Variants in CLSTN2 observed in about 807,000 individuals in gnomAD.
CLSTN2 encodes calsyntenin 2.
A neutral mutation model predicts 101.2 loss-of-function variants in CLSTN2; 48 were observed. That is an observed-to-expected ratio of 0.47 (90% confidence interval 0.38 to 0.60). CLSTN2 has a LOEUF of 0.60. Among genes scored for constraint, CLSTN2 ranks in the 20% least tolerant of loss-of-function variants. The probability of loss-of-function intolerance (pLI) is 0.00; values close to 1 mark genes in which losing one functional copy is unlikely to be tolerated. For synonymous variants in CLSTN2, 481 were observed against 463.6 expected (o/e 1.04, Z -0.48); for missense variants, 1,160 against 1,238.2 (o/e 0.94, Z 0.95).
intron 8 of CLSTN2, among the ~76,000 whole-genome samples, chr3:140,485,192 C>T (rs560170210): frequency 2.6e-5 from 4 of 152,370 alleles, no homozygotes; most frequent in African/African-American, 9.6e-5. Context: ...CCCTCAGCCA[C>T]AGGTCTGTTG....
At chr3:140,017,174 T>A (rs1376700253) in intron 1 of CLSTN2, among the ~76,000 whole-genome samples, 1 of 152,226 alleles carries the variant, frequency 6.6e-6, no homozygotes. Flanking sequence ...CCTATTAGTG[T>A]GCTCTCAGCT....
At chr3:140,054,207 G>C (rs2008055018) in intron 1 of CLSTN2, among the ~76,000 whole-genome samples, 1 of 152,130 alleles carries the variant, frequency 6.6e-6, no homozygotes, top group Non-Finnish European at 1.5e-5. Flanking sequence ...GGTCACATTT[G>C]GGGAGGGTGG....
intron 1 of CLSTN2, among the ~76,000 whole-genome samples, chr3:140,114,896 TTCTAGG>T (rs1164295403): frequency 6.6e-6 from 1 of 152,216 alleles, no homozygotes; most frequent in African/African-American, 2.4e-5. Flanking sequence ...GATGTGGCTT[TTCTAGG>T]AGCCATTGCT....
intron 1 of CLSTN2, among the ~76,000 whole-genome samples, chr3:140,062,046 T>C (rs550815391): frequency 6.6e-6 from 1 of 152,164 alleles, no homozygotes; most frequent in Non-Finnish European, 1.5e-5. Context: ...TTAATATTAA[T>C]AGTGGTAGTG....
chr3:140,038,064 T>C (rs545938786), intron 1 of CLSTN2, among the ~76,000 whole-genome samples: 13 of 152,294 alleles, frequency 8.5e-5, no homozygotes, highest in South Asian at 4.1e-4. Context: ...ATATACCCAG[T>C]AATGGGATTG....
At chr3:140,335,399 G>A (rs1387365926) in intron 2 of CLSTN2, among the ~76,000 whole-genome samples, 5 of 152,052 alleles carry the variant, frequency 3.3e-5, no homozygotes, top group Non-Finnish European at 7.4e-5. Flanking sequence ...GCAGCAGGTA[G>A]GGAAGTTATT....
chr3:140,073,011 A>T (rs1366723381), intron 1 of CLSTN2, among the ~76,000 whole-genome samples: 1 of 152,188 alleles, frequency 6.6e-6, no homozygotes. Context: ...ATCTCCACAG[A>T]TGACCATGAT....
intron 1 of CLSTN2, among the ~76,000 whole-genome samples, chr3:140,149,900 A>G (rs1010608948): frequency 1.3e-5 from 2 of 152,182 alleles, no homozygotes; most frequent in African/African-American, 2.4e-5. Flanking sequence ...CACAAATCCT[A>G]GCTCTGGTAT....
chr3:140,431,141 G>A (rs936551107), intron 5 of CLSTN2, among the ~76,000 whole-genome samples: 1 of 152,218 alleles, frequency 6.6e-6, no homozygotes, highest in African/African-American at 2.4e-5. Context: ...ATGGGACAAT[G>A]TCTACATAGC....
chr3:140,380,117 C>T (rs1252044404), intron 2 of CLSTN2, among the ~76,000 whole-genome samples: 1 of 152,160 alleles, frequency 6.6e-6, no homozygotes, highest in East Asian at 1.9e-4. Flanking sequence ...CATCTCATGC[C>T]TGTTGAATGA....
In CLSTN2 at chr3:139,992,167, G is replaced by A. The variant is rs137877964; in HGVS notation, c.109+56684G>A. ...GTATCCTTGTACAAGACTTTTAACAGATGGATGAGTGTGGAGAGGGCAATT... is the reference window on the plus strand; with the variant it reads ...GTATCCTTGTACAAGACTTTTAACAAATGGATGAGTGTGGAGAGGGCAATT... On this transcript the variant is annotated intron_variant, in intron 1 of 16. Coordinates refer to ENST00000458420, the MANE Select transcript of CLSTN2 (RefSeq NM_022131.3). Among the ~76,000 whole-genome samples, 18 of 152,332 alleles carry A rather than the reference G, an allele frequency of 1.2e-4. No homozygotes were observed. The East Asian group carries it at 3.3e-3, about 28-fold the overall frequency.
chr3:140,066,901 G>A (rs2008308741), intron 1 of CLSTN2, among the ~76,000 whole-genome samples: 1 of 152,160 alleles, frequency 6.6e-6, no homozygotes, highest in South Asian at 2.1e-4. Flanking sequence ...TGGCACTTCT[G>A]TCACTCACGT....
intron 1 of CLSTN2, among the ~76,000 whole-genome samples, chr3:140,082,794 G>A (rs748271057): frequency 3.3e-5 from 5 of 152,164 alleles, no homozygotes; most frequent in Non-Finnish European, 7.3e-5. Context: ...AGGTTCTAGG[G>A]ATATGAGGAA....
At chr3:140,361,513 C>T (rs1386213850) in intron 2 of CLSTN2, among the ~76,000 whole-genome samples, 1 of 152,048 alleles carries the variant, frequency 6.6e-6, no homozygotes, top group Non-Finnish European at 1.5e-5. Context: ...ATATTAAAGA[C>T]ATTTGGATTG....
At chr3:140,466,870 A>G (rs965217214) in intron 8 of CLSTN2, 139 bp downstream of exon 8, 17 of 1,104,460 alleles carry the variant, frequency 1.5e-5, no homozygotes, top group Middle Eastern at 6.0e-4. Flanking sequence ...TTAGGGAGAC[A>G]CACAGCATCT....
At chr3:140,359,297 T>C (rs886761726) in intron 2 of CLSTN2, among the ~76,000 whole-genome samples, 1 of 152,088 alleles carries the variant, frequency 6.6e-6, no homozygotes, top group Non-Finnish European at 1.5e-5. Flanking sequence ...AACAAAAACG[T>C]TGGAACTTCT....
At chr3:140,525,675 C>G (rs989831804) in intron 8 of CLSTN2, among the ~76,000 whole-genome samples, 1 of 151,974 alleles carries the variant, frequency 6.6e-6, no homozygotes, top group East Asian at 1.9e-4. Flanking sequence ...GTAAAAATCC[C>G]CAATGAAATA....
intron 1 of CLSTN2, among the ~76,000 whole-genome samples, chr3:140,126,649 G>T (rs1465260969): frequency 6.6e-6 from 1 of 152,108 alleles, no homozygotes; most frequent in Non-Finnish European, 1.5e-5. Context: ...TGGGTAGTAT[G>T]GTCTCTATCA....
At chr3:140,464,262 A>C (rs543206485) in intron 7 of CLSTN2, among the ~76,000 whole-genome samples, 1 of 152,310 alleles carries the variant, frequency 6.6e-6, no homozygotes, top group Non-Finnish European at 1.5e-5. Context: ...TCCTTTCCCT[A>C]TTGTGGGCCA....
Sources: gnomAD v4.1 joint callset for allele counts (sites outside exome capture counted in the v4.1 genomes callset) on GRCh38, gnomAD v4.1.1 for gene constraint, MANE v1.5 for transcripts, NCBI Gene and HGNC (gene_info 2026-07-23, HGNC 2026-07-21) for gene names.